The following AKAP6 variants were observed in gnomAD, a reference collection of about 807,000 sequenced individuals.
The protein encoded by AKAP6 is A-kinase anchor protein 6.
A neutral mutation model predicts 188.5 loss-of-function variants in AKAP6; 58 were observed. That is an observed-to-expected ratio of 0.31 (90% CI 0.25 to 0.38). The LOEUF is 0.38. Among genes scored for constraint, AKAP6 ranks in the 10% least tolerant of loss-of-function variants. The pLI is 1.00. For synonymous variants in AKAP6, 989 were observed against 998.6 expected, an observed-to-expected ratio of 0.99 and a Z score of 0.18; for missense variants, 2,710 against 2,740.0, an observed-to-expected ratio of 0.99 and a Z score of 0.24.
rs1012076254 is a variant in AKAP6, at chr14:32,334,389, A to C, written c.-35+4981A>C. 2.0e-5 allele frequency among the ~76,000 whole-genome samples: 3 copies of C among 152,132 alleles called. No homozygotes were observed. In the South Asian group the frequency reaches 6.2e-4, roughly 32 times the overall value. The stretch of plus-strand genomic sequence containing the variant: ...ATGCTGTATATGCTACCAGCTTGTT[A>C]AGTCACTTAATAGCCGTCTTGGTTT... On this transcript the variant is annotated intron_variant, in intron 1 of 13. Coordinates refer to ENST00000280979, the MANE Select transcript of AKAP6 (RefSeq NM_004274.5).
At chr14:32,529,292 G>A (rs771916446) in intron 2 of AKAP6, among the ~76,000 whole-genome samples, 160 of 152,256 alleles carry the variant, frequency 1.1e-3, no homozygotes, top group Non-Finnish European at 2.1e-3. Context: ...ATATAGGAAA[G>A]CAATTGACTT....
rs139343504 is a variant in AKAP6, at chr14:32,532,117, T to C, written c.325-3437T>C. On this transcript the variant is annotated intron_variant, in intron 2 of 13. Transcript: ENST00000280979. Reference sequence around the variant, plus strand: ...AATTCCCATAAGCAGCATAGGAGAGTTCCAGTTGTTCTAGAAGTCCTTAGC... The same window carrying C: ...AATTCCCATAAGCAGCATAGGAGAGCTCCAGTTGTTCTAGAAGTCCTTAGC... Among the ~76,000 whole-genome samples, 464 of 152,202 alleles carry C rather than the reference T, an allele frequency of 3.0e-3. 5 individuals are homozygous for C. Among genetic ancestry groups the C allele is most frequent in the African/African-American group, 0.011 (450 of 41,518 alleles).
In AKAP6 at chr14:32,469,726, ATT is replaced by A. The variant is rs1031436472; in HGVS notation, c.324+35910_324+35911del. On this transcript the variant is annotated intron_variant, in intron 2 of 13. Transcript: ENST00000280979. ...TTAATGTCACAAATTTTTTTTTTTT[ATT>A]ATTATACTTGTCTTGGCTCGTCAGC... 3.0e-4 allele frequency among the ~76,000 whole-genome samples: 3 copies of A among 10,162 alleles called. No individual in the cohort carries two copies. In the African/African-American group the frequency reaches 7.5e-3, roughly 25 times the overall value. The allele number at this position is 10,162 out of a possible 152,430, so 6.7% of individuals were successfully genotyped here. A position where few individuals can be genotyped will look rare whatever the true frequency, so the allele number is the denominator to read the frequency against.
intron 11 of AKAP6, among the ~76,000 whole-genome samples, chr14:32,761,281 T>C (rs2032528087): frequency 6.6e-6 from 1 of 152,222 alleles, no homozygotes; most frequent in Non-Finnish European, 1.5e-5. Context: ...TCCTGCATTC[T>C]TGTTATGTCC....
intron 2 of AKAP6, among the ~76,000 whole-genome samples, chr14:32,475,682 T>C (rs1338004492): frequency 4.7e-5 from 7 of 149,326 alleles, no homozygotes; most frequent in Admixed American, 3.3e-4. Context: ...TCAGCTCTTT[T>C]TTTTTTTTTT....
intron 2 of AKAP6, among the ~76,000 whole-genome samples, chr14:32,508,621 G>A (rs929170210): frequency 2.0e-5 from 3 of 152,134 alleles, no homozygotes; most frequent in Non-Finnish European, 4.4e-5. Context: ...CCACATAAAT[G>A]TTGAACATTC....
intron 11 of AKAP6, among the ~76,000 whole-genome samples, chr14:32,744,478 A>G (rs1218359931): frequency 2.0e-5 from 3 of 151,832 alleles, no homozygotes; most frequent in East Asian, 1.9e-4. Context: ...CACCACACCC[A>G]GCCAATTCTT....
intron 5 of AKAP6, among the ~76,000 whole-genome samples, chr14:32,595,414 A>G (rs1335969698): frequency 6.6e-6 from 1 of 152,128 alleles, no homozygotes; most frequent in Non-Finnish European, 1.5e-5. Flanking sequence ...TTTCTCCACA[A>G]GCTCCCTGCT....
chr14:32,795,221 G>A (rs11156768), intron 12 of AKAP6, among the ~76,000 whole-genome samples: 72,933 of 151,972 alleles, frequency 0.48, 17,692 homozygotes, highest in Non-Finnish European at 0.5. Context: ...AAGAGCTGGT[G>A]TCATTTCTAC....
At position 32,433,621 on chromosome 14, in the gene AKAP6, T is replaced by A. The variant is rs1890289240; in HGVS notation, c.128T>A (p.Met43Lys). The A allele has an allele frequency of 6.2e-7, 1 of 1,613,926 alleles. No homozygotes were observed. Among genetic ancestry groups the A allele is most frequent in the Admixed American group, 1.7e-5 (1 of 59,982 alleles). ...GAGCAGGGTGAGGGAGAAGAGGCAA[T>A]GAAGGACATGGACTCTGACCAGCAG... ...TVEQGEGEEA[M>K]KDMDSDQQYE... Residue 43 changes from methionine to lysine, a missense_variant, in exon 2 of 14, where the codon ATG (methionine) becomes AAG (lysine). Physicochemically the swap from Met to Lys is moderately conservative, Grantham distance 95. Transcript: ENST00000280979.
At chr14:32,426,263 G>A (rs923977817) in intron 1 of AKAP6, among the ~76,000 whole-genome samples, 10 of 152,140 alleles carry the variant, frequency 6.6e-5, no homozygotes, top group African/African-American at 2.2e-4. Flanking sequence ...GCCTGTTGGT[G>A]CAGTAGGTGT....
chr14:32,772,075 TGAAAA>T (rs1476162964), intron 11 of AKAP6, among the ~76,000 whole-genome samples: 1 of 151,586 alleles, frequency 6.6e-6, no homozygotes, highest in African/African-American at 2.4e-5. Flanking sequence ...TGCGTTTGAG[TGAAAA>T]GAAGAGACAG....
At chr14:32,668,315 T>C (rs879823571) in intron 7 of AKAP6, among the ~76,000 whole-genome samples, 7 of 152,148 alleles carry the variant, frequency 4.6e-5, no homozygotes, top group Non-Finnish European at 1.0e-4. Flanking sequence ...TGCAATAGTT[T>C]GATATGTTTG....
chr14:32,446,604 GTTT>G (rs11326213), intron 2 of AKAP6, among the ~76,000 whole-genome samples: 2 of 148,926 alleles, frequency 1.3e-5, no homozygotes, highest in Non-Finnish European at 3.0e-5. Context: ...GTAGACATCT[GTTT>G]TTTTTTTTAA....
At position 32,834,854 on chromosome 14, in the gene AKAP6, C is replaced by A. The variant is rs2034858459; in HGVS notation, c.*5049C>A. The stretch of plus-strand genomic sequence containing the variant: ...TTCATCCATCTAAGGCAAGGGTCAG[C>A]AAACTGTGGCACGTGGGCCAAATTC... On this transcript the variant is annotated 3_prime_UTR_variant, in exon 14 of 14. Transcript: ENST00000280979. 6.6e-6 allele frequency: 1 copy of A among 152,220 alleles called. No homozygotes were observed. The highest frequency in any genetic ancestry group is 1.5e-5 in the Non-Finnish European group (1 of 68,044). 9.4% of individuals were successfully genotyped at this position (152,220 alleles called of 1,614,324 possible). A position where few individuals can be genotyped will look rare whatever the true frequency, so the allele number is the denominator to read the frequency against.
Position 32,379,595 on chromosome 14 carries a change from TG to T in AKAP6, c.-35+50188del, listed in dbSNP as rs1292979395. Among the ~76,000 whole-genome samples, 9 of 152,230 alleles carry T rather than the reference TG, an allele frequency of 5.9e-5. 1 individual carries two copies. The East Asian group carries it at 1.4e-3, about 23-fold the overall frequency. On this transcript the variant is annotated intron_variant, in intron 1 of 13. Transcript: ENST00000280979. The stretch of plus-strand genomic sequence containing the variant: ...TCCTTTCCCCTTTGATCCTCTTTAA[TG>T]ATGTCAGCCCCTCCTATGAGAGGGT...
Position 32,423,177 on chromosome 14 carries a change from G to A in AKAP6, c.-34-10283G>A, listed in dbSNP as rs539375296. Among the ~76,000 whole-genome samples the A allele has an allele frequency of 2.6e-5, 4 of 152,094 alleles. 1 individual carries two copies. In the Middle Eastern group the frequency reaches 0.014, roughly 517 times the overall value. Reference sequence around the variant, plus strand: ...GCCTCTCCCAATTAATTTTTTGTGTGTTTGTTTTTTGAGATAGGGTCTCAC... The same window carrying A: ...GCCTCTCCCAATTAATTTTTTGTGTATTTGTTTTTTGAGATAGGGTCTCAC... On this transcript the variant is annotated intron_variant, in intron 1 of 13. Transcript: ENST00000280979.
At chr14:32,679,257 T>TA (rs1426197423) in intron 8 of AKAP6, among the ~76,000 whole-genome samples, 1 of 152,158 alleles carries the variant, frequency 6.6e-6, no homozygotes, top group Non-Finnish European at 1.5e-5. Flanking sequence ...TTGTAATATT[T>TA]AATAGGTGAT....
intron 2 of AKAP6, among the ~76,000 whole-genome samples, chr14:32,482,123 G>T (rs1879383598): frequency 1.3e-5 from 2 of 152,076 alleles, no homozygotes; most frequent in African/African-American, 2.4e-5. Flanking sequence ...GTCATCCCAA[G>T]ATAACTCCTT....
Sources: allele counts gnomAD v4.1 joint callset (sites outside exome capture counted in the v4.1 genomes callset), GRCh38; gene constraint gnomAD v4.1.1; transcripts MANE v1.5; gene names NCBI Gene and HGNC (gene_info 2026-07-23, HGNC 2026-07-21).